The following PCDHA9 variants were observed in gnomAD, a reference collection of about 807,000 sequenced individuals.
PCDHA9 encodes protocadherin alpha 9, also known as protocadherin alpha-9.
Under a neutral mutation model 62.0 loss-of-function variants are expected in PCDHA9, and 62 were observed. The observed-to-expected ratio is 1.00, with a 90% CI of 0.81 to 1.23. PCDHA9 has a LOEUF of 1.23. Ranked by LOEUF, PCDHA9 falls within the 50% of genes most tolerant of loss-of-function variation. PCDHA9 has a pLI of 0.00. For synonymous variants in PCDHA9, 557 were observed against 567.6 expected, an observed-to-expected ratio of 0.98 and a Z score of 0.27; for missense variants, 1,205 against 1,249.8, an observed-to-expected ratio of 0.96 and a Z score of 0.54.
rs2041337151 is a variant in PCDHA9 at position 140,850,087 on chromosome 5, TAC to T, written c.1594_1595del (p.Gln532ValfsTer42). 6.3e-7 allele frequency: 1 copy of T among 1,596,398 alleles called. No individual in the cohort carries two copies. The highest frequency in any genetic ancestry group is 1.3e-5 in the African/African-American group (1 of 74,410). Reference sequence around the variant, plus strand: ...TTGGACCACGAGGAGCTGGAGCTGCTACAGTTCCAGGTGAGCGCGCGCGACGC... The same window carrying T: ...TTGGACCACGAGGAGCTGGAGCTGCTAGTTCCAGGTGAGCGCGCGCGACGC... On this transcript the variant is annotated frameshift_variant, in exon 1 of 4. Coordinates refer to ENST00000532602, the MANE Select transcript of PCDHA9 (RefSeq NM_031857.2). LOFTEE classifies it high-confidence loss of function.
Position 140,853,522 on chromosome 5 carries a change from C to T in PCDHA9, c.2394+2633C>T, listed in dbSNP as rs1217727658. Reference sequence around the variant, plus strand: ...TCATGAAACAATAATGAAGCTCCTCCTATGTCTCTTTTCAAGTTGTAATTA... The same window carrying T: ...TCATGAAACAATAATGAAGCTCCTCTTATGTCTCTTTTCAAGTTGTAATTA... On this transcript the variant is annotated intron_variant, in intron 1 of 3. Coordinates refer to ENST00000532602, the MANE Select transcript of PCDHA9 (RefSeq NM_031857.2). 4.1e-6 allele frequency: 4 copies of T among 977,898 alleles called. No homozygotes were observed. In the African/African-American group the frequency reaches 5.3e-5, roughly 13 times the overall value. The allele number at this position is 977,898 out of a possible 1,614,324, so 60.6% of individuals were successfully genotyped here.
At chr5:140,959,443 G>C (rs1472511414) in intron 1 of PCDHA9, among the ~76,000 whole-genome samples, 1 of 151,580 alleles carries the variant, frequency 6.6e-6, no homozygotes, top group Non-Finnish European at 1.5e-5. Context: ...TTTCTATTTT[G>C]TGCTGAAAAG....
chr5:141,004,369 C>A (rs1239142670), intron 3 of PCDHA9, among the ~76,000 whole-genome samples: 1 of 152,206 alleles, frequency 6.6e-6, no homozygotes, highest in Non-Finnish European at 1.5e-5. Flanking sequence ...ACACCTTGTT[C>A]TGCTCTGCGG....
intron 1 of PCDHA9, among the ~76,000 whole-genome samples, chr5:140,891,210 G>A (rs2062986388): frequency 1.3e-5 from 2 of 152,180 alleles, no homozygotes; most frequent in South Asian, 4.1e-4. Context: ...TTACCATGCT[G>A]TGTCTTTATA....
At chr5:141,002,733 G>T (rs556024108) in intron 3 of PCDHA9, among the ~76,000 whole-genome samples, 1 of 152,314 alleles carries the variant, frequency 6.6e-6, no homozygotes, top group Admixed American at 6.5e-5. Context: ...CACAGTAAAT[G>T]TTAACTACAT....
At chr5:140,856,867 C>A (rs1554149232) in intron 1 of PCDHA9, 1 of 1,595,186 alleles carries the variant, frequency 6.3e-7, no homozygotes. Context: ...AAGGAATAAA[C>A]AAGGAAATGA....
Position 140,848,856 on chromosome 5 carries a change from G to C in PCDHA9, c.361G>C (p.Val121Leu). The change falls in exon 1 of 4, where the codon GTG (valine) becomes CTG (leucine). Residue 121 changes from valine (V) to leucine (L), a missense_variant. This residue lies in a region of PCDHA9 where 208 missense variants were observed against 213.2 expected (regional missense o/e 0.98). Transcript: ENST00000532602. ...GCCGCTGCAGGTTTTCCATGTGGAC[G>C]TGGAGGTGAAGGACATTAACGACAA... ...DRPLQVFHVDVEVKDINDNPP... is the reference protein window; with the variant it reads ...DRPLQVFHVDLEVKDINDNPP... 6.3e-7 allele frequency: 1 copy of C among 1,590,682 alleles called. No homozygotes were observed. Among genetic ancestry groups the C allele is most frequent in the Non-Finnish European group, 8.6e-7 (1 of 1,162,208 alleles).
intron 1 of PCDHA9, chr5:140,852,356 C>A: frequency 4.8e-6 from 1 of 206,680 alleles, no homozygotes; most frequent in Non-Finnish European, 9.4e-6. Flanking sequence ...TGGCTCACTG[C>A]AACGTCTGCC....
At chr5:140,864,869 A>G (rs2048638117) in intron 1 of PCDHA9, 1 of 152,160 alleles carries the variant, frequency 6.6e-6, no homozygotes, top group South Asian at 2.1e-4. Context: ...GGGTGATACC[A>G]TTGTCTGTGT....
intron 1 of PCDHA9, among the ~76,000 whole-genome samples, chr5:140,923,228 C>A (rs2338302): frequency 1.4e-5 from 1 of 71,808 alleles, no homozygotes; most frequent in South Asian, 4.8e-4. Context: ...TCGTTTGAGC[C>A]CAGAAGTTTG....
rs547015879 is a variant in PCDHA9 at position 140,902,341 on chromosome 5, G to A, written c.2394+51452G>A. 1.8e-3 allele frequency among the ~76,000 whole-genome samples: 276 copies of A among 151,446 alleles called. 1 individual carries two copies. The highest frequency in any genetic ancestry group is 3.7e-3 in the Non-Finnish European group (250 of 67,812). The stretch of plus-strand genomic sequence containing the variant: ...GTGTAACTCACTTCGCCTGGCCTAG[G>A]AAGCCCTTTATTTCTTTCTCTTGTC... On this transcript the variant is annotated intron_variant, in intron 1 of 3. Transcript: ENST00000532602.
intron 1 of PCDHA9, chr5:140,870,316 T>C (rs1178506832): frequency 1.2e-6 from 2 of 1,614,126 alleles, no homozygotes; most frequent in Admixed American, 3.3e-5. Context: ...GAATTACTAC[T>C]CGTTGGTGCT....
In PCDHA9 at chr5:141,010,089, G is replaced by A. The variant is rs1588251277; in HGVS notation, c.*152G>A. 3.7e-6 allele frequency: 6 copies of A among 1,612,294 alleles called. No individual in the cohort carries two copies. The highest frequency in any genetic ancestry group is 5.1e-6 in the Non-Finnish European group (6 of 1,179,138). ...AAAGTTCCCTGTGTCTGTCTAGAAC[G>A]CATTTAACAGGTTTTGTCGTAAAAG... On this transcript the variant is annotated 3_prime_UTR_variant, in exon 4 of 4. Transcript: ENST00000532602.
At chr5:140,921,060 A>T (rs543644748) in intron 1 of PCDHA9, among the ~76,000 whole-genome samples, 11 of 152,040 alleles carry the variant, frequency 7.2e-5, no homozygotes, top group African/African-American at 2.7e-4. Flanking sequence ...GCTCACTCTA[A>T]CCTTGAACTC....
At chr5:140,999,004 A>T (rs2097842745) in intron 3 of PCDHA9, among the ~76,000 whole-genome samples, 1 of 152,258 alleles carries the variant, frequency 6.6e-6, no homozygotes, top group South Asian at 2.1e-4. Flanking sequence ...GCTGGAGCTG[A>T]GATTTGAACC....
At chr5:140,943,726 A>G (rs181662166) in intron 1 of PCDHA9, among the ~76,000 whole-genome samples, 8 of 152,372 alleles carry the variant, frequency 5.3e-5, no homozygotes, top group Middle Eastern at 3.4e-3. Flanking sequence ...GTCTGAGAGA[A>G]TGAAAGTCCA....
chr5:140,938,945 T>C (rs1390189208), intron 1 of PCDHA9, among the ~76,000 whole-genome samples: 8 of 152,154 alleles, frequency 5.3e-5, no homozygotes, highest in African/African-American at 1.9e-4. Flanking sequence ...TCCATTCTTA[T>C]AATGCTCTAG....
Position 140,849,788 on chromosome 5 carries a change from C to T in PCDHA9, c.1293C>T (p.Gly431=), listed in dbSNP as rs2150450289. The T allele has an allele frequency of 2.5e-6, 4 of 1,598,468 alleles. No homozygotes were observed. The South Asian group carries it at 4.4e-5, about 18-fold the overall frequency. ...TGGTGGTTACCGCGCGGGACGGGGGCTCGCCTTCACTGTGGGCCACGGCCA... is the reference window on the plus strand; with the variant it reads ...TGGTGGTTACCGCGCGGGACGGGGGTTCGCCTTCACTGTGGGCCACGGCCA... The part of the protein sequence containing the change: ...YELVVTARDG[G]SPSLWATARV... Residue 431 remains glycine (G), a synonymous_variant, in exon 1 of 4, where the codon GGC becomes GGT. Coordinates refer to ENST00000532602, the MANE Select transcript of PCDHA9 (RefSeq NM_031857.2).
At chr5:140,980,507 G>A (rs1274816745) in intron 2 of PCDHA9, among the ~76,000 whole-genome samples, 1 of 152,136 alleles carries the variant, frequency 6.6e-6, no homozygotes, top group African/African-American at 2.4e-5. Flanking sequence ...GCATGTGCCT[G>A]TAGTTCCAGC....
Sources: allele counts gnomAD v4.1 joint callset (sites outside exome capture counted in the v4.1 genomes callset), GRCh38; gene constraint gnomAD v4.1.1; regional missense constraint gnomAD v4.1.1; transcripts MANE v1.5; gene names NCBI Gene and HGNC (gene_info 2026-07-23, HGNC 2026-07-21).